Variants in COG6 observed in about 807,000 individuals in gnomAD.
COG6 encodes the protein conserved oligomeric Golgi complex subunit 6.
COG6 carries 74 observed loss-of-function variants against 88.8 expected under a neutral mutation model. That is an observed-to-expected ratio of 0.83 (90% CI 0.69 to 1.01). The LOEUF (loss-of-function observed/expected upper bound fraction) is 1.01. Among genes scored for constraint, COG6 ranks in the 50% least tolerant of loss-of-function variants. COG6 has a pLI of 0.00. For synonymous variants in COG6, 286 were observed against 278.7 expected, an observed-to-expected ratio of 1.03 and a Z score of -0.26; for missense variants, 800 against 797.9, an observed-to-expected ratio of 1.00 and a Z score of -0.03.
chr13:39,732,053 T>C (rs1260789195), intron 18 of COG6, among the ~76,000 whole-genome samples: 1 of 152,206 alleles, frequency 6.6e-6, no homozygotes, highest in South Asian at 2.1e-4. Context: ...GGCCTTCAGC[T>C]GATTGGATGG....
chr13:39,723,350 C>T lies in COG6; in HGVS notation c.1602C>T (p.Asp534=). 1.9e-6 allele frequency: 3 copies of T among 1,606,652 alleles called. No homozygotes were observed. The highest frequency in any genetic ancestry group is 2.6e-6 in the Non-Finnish European group (3 of 1,173,600). Residue 534 remains aspartate, a synonymous_variant, in exon 16 of 19, where the codon GAC becomes GAT. Coordinates refer to ENST00000455146, the MANE Select transcript of COG6 (RefSeq NM_020751.3). ...TATTTTAGATCGAAGCACATTTGGACACACTTATAAATGAGCAAGCCTCTT... is the reference window on the plus strand; with the variant it reads ...TATTTTAGATCGAAGCACATTTGGATACACTTATAAATGAGCAAGCCTCTT... ...MLQFQIEAHL[D]TLINEQASYV... is the part of the protein sequence containing the mutation.
At chr13:39,725,530 A>G (rs1307950956) in intron 17 of COG6, among the ~76,000 whole-genome samples, 1 of 151,906 alleles carries the variant, frequency 6.6e-6, no homozygotes. Flanking sequence ...TGAAAACAAA[A>G]GGATAGGCTC....
intron 15 of COG6, among the ~76,000 whole-genome samples, 192 bp from the exon 16 acceptor site, chr13:39,723,141 C>T (rs751259040): frequency 4.6e-5 from 7 of 151,948 alleles, no homozygotes; most frequent in Non-Finnish European, 8.8e-5. Context: ...GTCCTAGAAT[C>T]CTCCTTGTTT....
intron 4 of COG6, among the ~76,000 whole-genome samples, chr13:39,669,254 C>T (rs1002471834): frequency 6.6e-6 from 1 of 152,124 alleles, no homozygotes; most frequent in African/African-American, 2.4e-5. Flanking sequence ...AAACACATTC[C>T]CTGTTAGAGA....
chr13:39,679,438 A>T lies in COG6; in HGVS notation c.541-100A>T. On this transcript the variant is annotated intron_variant, in intron 5 of 18. Coordinates refer to ENST00000455146, the MANE Select transcript of COG6 (RefSeq NM_020751.3). ...CAGTATAGGAAGGCTTCCCTAAAAT[A>T]GGTGAAAGAGTTTGTTTGCCCTTGG... The T allele has an allele frequency of 4.0e-6, 3 of 748,844 alleles. 1 individual carries two copies. Among genetic ancestry groups the T allele is most frequent in the Middle Eastern group, 4.6e-4 (2 of 4,324 alleles). 46.4% of individuals were successfully genotyped at this position (748,844 alleles called of 1,614,324 possible). A position where few individuals can be genotyped will look rare whatever the true frequency, so the allele number is the denominator to read the frequency against.
downstream of COG6, among the ~76,000 whole-genome samples, chr13:39,754,662 T>A (rs1049286399): frequency 6.6e-6 from 1 of 151,760 alleles, no homozygotes; most frequent in African/African-American, 2.4e-5. Context: ...ATGAGAGCTA[T>A]TTTTTTTCAT....
downstream of COG6, among the ~76,000 whole-genome samples, chr13:39,756,294 G>GA (rs1255709091): frequency 1.3e-5 from 2 of 151,764 alleles, no homozygotes; most frequent in East Asian, 3.9e-4. Flanking sequence ...GCAGGCAGGA[G>GA]AAAAAACTCA....
Position 39,775,168 on chromosome 13 carries a change from G to A in COG6, c.1827-13167G>A, listed in dbSNP as rs182851488. ...AGGCCTGGCCTGGAGGTTCCATTTC[G>A]TTTGTCATCTGTTACCTAAGGTAAG... On this transcript the variant is annotated intron_variant, in intron 18 of 18. Transcript: ENST00000416691. Among the ~76,000 whole-genome samples, 5 of 152,214 alleles carry A rather than the reference G, an allele frequency of 3.3e-5. No individual in the cohort carries two copies. The South Asian group carries it at 6.2e-4, about 19-fold the overall frequency.
intron 5 of COG6, chr13:39,679,206 TCATGTAGTAA>T: frequency 3.2e-6 from 1 of 312,660 alleles, no homozygotes; most frequent in Non-Finnish European, 6.0e-6. Flanking sequence ...ATACTTTTTT[TCATGTAGTAA>T]TTTTTAGTTT....
intron 18 of COG6, among the ~76,000 whole-genome samples, chr13:39,784,353 C>T (rs1417388666): frequency 1.3e-5 from 2 of 152,184 alleles, no homozygotes; most frequent in Admixed American, 6.5e-5. Flanking sequence ...TTGGTAAACT[C>T]CAGCAGAGAC....
intron 17 of COG6, among the ~76,000 whole-genome samples, chr13:39,726,286 A>G (rs1434201359): frequency 6.6e-6 from 1 of 151,922 alleles, no homozygotes; most frequent in African/African-American, 2.4e-5. Flanking sequence ...ATAGTTATTA[A>G]CCGAGTTTCT....
chr13:39,694,191 A>AAT (rs1877130370), intron 11 of COG6, among the ~76,000 whole-genome samples: 1 of 151,896 alleles, frequency 6.6e-6, no homozygotes, highest in African/African-American at 2.4e-5. Context: ...TTCTTTGATT[A>AAT]ATAGACAAAC....
At chr13:39,758,218 C>CAAAAAAA (rs34210362) in intron 18 of COG6, among the ~76,000 whole-genome samples, 2 of 55,808 alleles carry the variant, frequency 3.6e-5, no homozygotes, top group Non-Finnish European at 3.4e-5. Context: ...GATGCCTTCT[C>CAAAAAAA]AAAAAAAAAA....
chr13:39,702,629 G>T (rs190646421), intron 13 of COG6, among the ~76,000 whole-genome samples: 1 of 152,056 alleles, frequency 6.6e-6, no homozygotes, highest in East Asian at 1.9e-4. Flanking sequence ...CACACTAGTG[G>T]TTCTTCTATT....
At chr13:39,730,123 CTTT>C (rs1879353796) in intron 18 of COG6, among the ~76,000 whole-genome samples, 1 of 151,686 alleles carries the variant, frequency 6.6e-6, no homozygotes, top group African/African-American at 2.4e-5. Context: ...AGTTTTGGTA[CTTT>C]TTTTTAAATG....
intron 18 of COG6, among the ~76,000 whole-genome samples, chr13:39,783,500 T>C (rs1482327745): frequency 6.6e-6 from 1 of 152,246 alleles, no homozygotes; most frequent in Non-Finnish European, 1.5e-5. Context: ...TTAAAATTGT[T>C]CTCTCTGTTT....
At chr13:39,686,059 C>A (rs1460691841) in intron 8 of COG6, among the ~76,000 whole-genome samples, 1 of 152,054 alleles carries the variant, frequency 6.6e-6, no homozygotes, top group Middle Eastern at 3.2e-3. Flanking sequence ...CACATGTTTA[C>A]CAAAATGTGG....
chr13:39,660,690 T>C, intron 2 of COG6, 120 bp from the exon 3 acceptor site: 1 of 680,358 alleles, frequency 1.5e-6, no homozygotes, highest in South Asian at 1.7e-5. Context: ...ATGGGATCTC[T>C]TGTCATGCCT....
At chr13:39,709,197 G>T (rs2138055123) in intron 13 of COG6, among the ~76,000 whole-genome samples, 1 of 152,246 alleles carries the variant, frequency 6.6e-6, no homozygotes, top group Admixed American at 6.5e-5. Flanking sequence ...GTCACTAAGG[G>T]TGAATATATA....
Sources: allele counts gnomAD v4.1 joint callset (sites outside exome capture counted in the v4.1 genomes callset), GRCh38; gene constraint gnomAD v4.1.1; transcripts MANE v1.5; gene names NCBI Gene and HGNC (gene_info 2026-07-23, HGNC 2026-07-21).